Variants in TLE4 observed in about 807,000 individuals in gnomAD.
TLE4 encodes the protein transducin-like enhancer protein 4.
TLE4 carries 8 observed loss-of-function variants against 92.8 expected under a neutral mutation model. The observed-to-expected ratio is 0.09, with a 90% CI of 0.05 to 0.16. The LOEUF (loss-of-function observed/expected upper bound fraction) is 0.16, where lower values mean the gene tolerates loss of function less well. Among genes scored for constraint, TLE4 ranks in the 10% least tolerant of loss-of-function variants. TLE4 has a pLI of 1.00. For synonymous variants in TLE4, 371 were observed against 374.1 expected (o/e 0.99, Z 0.10); for missense variants, 675 against 997.6 (o/e 0.68, Z 4.36).
intron 1 of TLE4, chr9:79,573,453 G>A: frequency 9.0e-7 from 1 of 1,109,612 alleles, no homozygotes; most frequent in Non-Finnish European, 1.2e-6. Context: ...GAACCCTCGG[G>A]GTCCGGGGCG....
At chr9:79,671,528 A>G in intron 8 of TLE4, 1 of 284,168 alleles carries the variant, frequency 3.5e-6, no homozygotes, top group Non-Finnish European at 7.3e-6. Flanking sequence ...GAGAGGGAGT[A>G]TACCCAACAG....
chr9:79,722,525 G>A lies in TLE4; in HGVS notation c.2061G>A (p.Leu687=), dbSNP rs770893575. 1.7e-5 allele frequency: 27 copies of A among 1,614,096 alleles called. No individual in the cohort carries two copies. In the South Asian group the frequency reaches 2.9e-4, roughly 17 times the overall value. Residue 687 remains leucine (L), a synonymous_variant, in exon 18 of 20, where the codon TTG becomes TTA. Coordinates refer to ENST00000376552, the MANE Select transcript of TLE4 (RefSeq NM_007005.6). ...TGGAGAACAGCAATGTGGAAGTTTTGCATGTCACCAAGCCAGACAAATACC... is the reference window on the plus strand; with the variant it reads ...TGGAGAACAGCAATGTGGAAGTTTTACATGTCACCAAGCCAGACAAATACC... ...VGMENSNVEV[L]HVTKPDKYQL...
intron 4 of TLE4, chr9:79,601,445 C>T: frequency 2.2e-6 from 1 of 456,058 alleles, no homozygotes; most frequent in Non-Finnish European, 4.4e-6. Context: ...AAGGCTGTAG[C>T]AACCCTGAAT....
chr9:79,572,926 G>C (rs2036227755), intron 1 of TLE4, 91 bp downstream of exon 1: 2 of 1,384,792 alleles, frequency 1.4e-6, no homozygotes, highest in Non-Finnish European at 2.0e-6. Flanking sequence ...TTTGGCCGGA[G>C]GGGCGTGGAG....
intron 4 of TLE4, among the ~76,000 whole-genome samples, chr9:79,583,855 T>C (rs886494051): frequency 6.6e-6 from 1 of 152,216 alleles, no homozygotes; most frequent in Non-Finnish European, 1.5e-5. Flanking sequence ...ATGTTCCTTA[T>C]GTTCTGTGAA....
chr9:79,703,774 A>T (rs1258089716), intron 8 of TLE4, among the ~76,000 whole-genome samples: 1 of 152,182 alleles, frequency 6.6e-6, no homozygotes, highest in Non-Finnish European at 1.5e-5. Context: ...TATAGGAGTG[A>T]GAAAGGAATA....
At chr9:79,587,312 A>C (rs997834777) in intron 4 of TLE4, among the ~76,000 whole-genome samples, 1 of 152,216 alleles carries the variant, frequency 6.6e-6, no homozygotes, top group South Asian at 2.1e-4. Context: ...TGAGCAAAAA[A>C]GGCCTAGATA....
intron 18 of TLE4, 24 bp downstream of exon 18, chr9:79,722,625 T>C: frequency 6.2e-7 from 1 of 1,610,562 alleles, no homozygotes; most frequent in Non-Finnish European, 8.5e-7. Flanking sequence ...TTTTGTCCAT[T>C]TTCTGTCAAC....
In TLE4 at chr9:79,721,893, G is replaced by C. The variant is rs778850989; in HGVS notation, c.1986+5G>C. ...CAGCACGACTTCACCTCCCAGGTATGATCCGTGGCTGAGGCATTTTAAAGA... is the reference window on the plus strand; with the variant it reads ...CAGCACGACTTCACCTCCCAGGTATCATCCGTGGCTGAGGCATTTTAAAGA... On this transcript the variant is annotated splice_donor_5th_base_variant and intron_variant, in intron 17 of 19. Coordinates refer to ENST00000376552, the MANE Select transcript of TLE4 (RefSeq NM_007005.6). 6.2e-7 allele frequency: 1 copy of C among 1,606,792 alleles called. No homozygotes were observed. The highest frequency in any genetic ancestry group is 1.7e-5 in the Admixed American group (1 of 58,222).
At chr9:79,679,152 G>A (rs1201847728) in intron 8 of TLE4, among the ~76,000 whole-genome samples, 4 of 151,972 alleles carry the variant, frequency 2.6e-5, no homozygotes, top group Admixed American at 2.6e-4. Flanking sequence ...TGGGATGGCT[G>A]GGTCAAATGG....
chr9:79,595,849 C>CTTTTTTTT (rs746656900), intron 4 of TLE4, among the ~76,000 whole-genome samples: 1 of 138,596 alleles, frequency 7.2e-6, no homozygotes, highest in African/African-American at 2.6e-5. Flanking sequence ...TTGCCATCTA[C>CTTTTTTTT]TTTTTTTTTT....
intron 2 of TLE4, 31 bp from the exon 3 acceptor site, chr9:79,574,842 T>A (rs1228684271): frequency 6.3e-7 from 1 of 1,592,450 alleles, no homozygotes; most frequent in African/African-American, 1.3e-5. Context: ...GTTAAGATCA[T>A]TGTACTTAGA....
At chr9:79,689,831 C>G (rs890075537) in intron 8 of TLE4, among the ~76,000 whole-genome samples, 12 of 152,054 alleles carry the variant, frequency 7.9e-5, no homozygotes, top group Admixed American at 2.6e-4. Context: ...TCTGAATATG[C>G]CTTAGGTCAG....
chr9:79,670,885 GT>G (rs546986923), intron 8 of TLE4, among the ~76,000 whole-genome samples: 1 of 150,662 alleles, frequency 6.6e-6, no homozygotes, highest in Non-Finnish European at 1.5e-5. Context: ...TTTTTTGTTT[GT>G]TTTTTTAGTG....
chr9:79,597,752 TTTG>T (rs2132524407), intron 4 of TLE4, among the ~76,000 whole-genome samples: 1 of 152,342 alleles, frequency 6.6e-6, no homozygotes, highest in Non-Finnish European at 1.5e-5. Context: ...TACTCTTGCA[TTTG>T]TTTACTTTTC....
At chr9:79,604,616 A>C (rs1391109312) in intron 4 of TLE4, among the ~76,000 whole-genome samples, 2 of 152,166 alleles carry the variant, frequency 1.3e-5, no homozygotes, top group Non-Finnish European at 2.9e-5. Flanking sequence ...ATTTCCTGAA[A>C]AACAGAGAAA....
chr9:79,671,169 T>C (rs1350636835), intron 8 of TLE4: 1 of 442,688 alleles, frequency 2.3e-6, no homozygotes, highest in Non-Finnish European at 4.6e-6. Flanking sequence ...TAGGGATAGT[T>C]CAACCTTGGC....
chr9:79,722,875 A>T, intron 18 of TLE4, 84 bp from the exon 19 acceptor site: 1 of 1,265,802 alleles, frequency 7.9e-7, no homozygotes, highest in African/African-American at 1.5e-5. Context: ...GTTTTCTGTT[A>T]ATAGTTTGGT....
chr9:79,656,500 A>G (rs2059801540), intron 8 of TLE4, among the ~76,000 whole-genome samples: 1 of 152,158 alleles, frequency 6.6e-6, no homozygotes, highest in Admixed American at 6.5e-5. Flanking sequence ...ATTTTTGGCC[A>G]TCTGTCAAAA....
Sources: gnomAD v4.1 joint callset for allele counts (sites outside exome capture counted in the v4.1 genomes callset) on GRCh38, gnomAD v4.1.1 for gene constraint, MANE v1.5 for transcripts, NCBI Gene and HGNC (gene_info 2026-07-23, HGNC 2026-07-21) for gene names.